Variants in NCOA1 observed in about 807,000 individuals in gnomAD.
NCOA1 encodes Hin-2 protein.
Under a neutral mutation model 150.9 loss-of-function variants are expected in NCOA1, and 35 were observed. The ratio of observed to expected loss-of-function variants is 0.23; its 90% confidence interval spans 0.18 to 0.31. NCOA1 has a LOEUF of 0.31. Ranked by LOEUF, NCOA1 falls within the 10% of genes least tolerant of loss-of-function variation. The probability of loss-of-function intolerance (pLI) is 1.00; values close to 1 mark genes in which losing one functional copy is unlikely to be tolerated. For missense variants in NCOA1, 1,491 were observed against 1,749.3 expected, an observed-to-expected ratio of 0.85 and a Z score of 2.63; for synonymous variants, 590 against 630.0, an observed-to-expected ratio of 0.94 and a Z score of 0.95.
intron 3 of NCOA1, among the ~76,000 whole-genome samples, chr2:24,638,850 T>A (rs749474993): frequency 1.3e-5 from 2 of 152,212 alleles, no homozygotes. Context: ...ATCAGATTGT[T>A]GTTGTTGTTG....
intron 1 of NCOA1, among the ~76,000 whole-genome samples, chr2:24,495,092 G>GTTTTTTTT (rs200403397): frequency 9.6e-6 from 1 of 103,642 alleles, no homozygotes; most frequent in Non-Finnish European, 2.1e-5. Context: ...AGATGAAGGT[G>GTTTTTTTT]TTTTTTTTTT....
chr2:24,678,185 A>G (rs1382690118), intron 7 of NCOA1, among the ~76,000 whole-genome samples: 1 of 151,524 alleles, frequency 6.6e-6, no homozygotes, highest in East Asian at 1.9e-4. Context: ...ACAGCTTCCA[A>G]CTCCATCCAT....
chr2:24,675,248 A>G (rs1465992602), intron 7 of NCOA1, among the ~76,000 whole-genome samples: 1 of 152,242 alleles, frequency 6.6e-6, no homozygotes, highest in Non-Finnish European at 1.5e-5. Context: ...AGCAATAGAA[A>G]TCAACTCTGA....
intron 3 of NCOA1, among the ~76,000 whole-genome samples, chr2:24,587,802 A>G (rs576707784): frequency 2.0e-5 from 3 of 152,316 alleles, no homozygotes; most frequent in Non-Finnish European, 4.4e-5. Context: ...ACTTGAATGT[A>G]TATACCCATT....
intron 1 of NCOA1, among the ~76,000 whole-genome samples, chr2:24,520,628 G>C (rs1664378364): frequency 6.6e-6 from 1 of 152,216 alleles, no homozygotes; most frequent in African/African-American, 2.4e-5. Context: ...GGGATCATAA[G>C]ATGCACAAGG....
intron 2 of NCOA1, among the ~76,000 whole-genome samples, chr2:24,583,602 A>G (rs1489813627): frequency 6.6e-6 from 1 of 152,212 alleles, no homozygotes; most frequent in Non-Finnish European, 1.5e-5. Context: ...TCCCATATTT[A>G]TTGCAGCATA....
Position 24,658,752 on chromosome 2 carries a change from C to G in NCOA1, c.75C>G (p.Asp25Glu). Residue 25 changes from aspartate to glutamate, a missense_variant, in exon 5 of 23, where the codon GAC (aspartate) becomes GAG (glutamate). Asp to Glu is a conservative substitution (Grantham distance 45, BLOSUM62 2). Around this residue, in one of 8 missense-constraint regions of NCOA1, gnomAD observed 40 missense variants for 39.6 expected, o/e 1.01. Coordinates refer to ENST00000348332, the MANE Select transcript of NCOA1 (RefSeq NM_003743.5). ...DSHKRKGSPCDTLASSTEKRR... is the reference protein window; with the variant it reads ...DSHKRKGSPCETLASSTEKRR... ...ATAAGAGGAAAGGATCGCCATGTGA[C>G]ACACTGGCATCAAGGTAGGAACACT... is the stretch of plus-strand genomic sequence containing the variant. 6.2e-7 allele frequency: 1 copy of G among 1,613,992 alleles called. No individual in the cohort carries two copies.
In NCOA1 at chr2:24,697,716, A is replaced by G. The variant is rs756179274; in HGVS notation, c.867A>G (p.Glu289=). The part of the protein sequence containing the change: ...SLRAAGRTGW[E]DLVRKCIYAF... Reference sequence around the variant, plus strand: ...GAGCTGCTGGCAGAACTGGTTGGGAAGATTTAGTGAGGAAGTGCATTTATG... The same window carrying G: ...GAGCTGCTGGCAGAACTGGTTGGGAGGATTTAGTGAGGAAGTGCATTTATG... Residue 289 remains glutamate (E), a synonymous_variant, in exon 11 of 23, where the codon GAA becomes GAG. Transcript: ENST00000348332. The G allele has an allele frequency of 3.0e-5, 49 of 1,613,238 alleles. No individual in the cohort carries two copies. The highest frequency in any genetic ancestry group is 4.1e-5 in the Non-Finnish European group (48 of 1,179,330).
At chr2:24,560,677 T>C (rs2148251903) in intron 1 of NCOA1, among the ~76,000 whole-genome samples, 1 of 152,342 alleles carries the variant, frequency 6.6e-6, no homozygotes, top group Non-Finnish European at 1.5e-5. Context: ...TTCTTGACTG[T>C]GTCTCTTGTA....
chr2:24,595,232 T>C (rs1352045940), intron 3 of NCOA1, among the ~76,000 whole-genome samples: 1 of 152,088 alleles, frequency 6.6e-6, no homozygotes, highest in Non-Finnish European at 1.5e-5. Flanking sequence ...ATATAACTTG[T>C]TTTTTAAAAA....
At chr2:24,613,195 G>A (rs1475344703) in intron 3 of NCOA1, among the ~76,000 whole-genome samples, 1 of 152,096 alleles carries the variant, frequency 6.6e-6, no homozygotes, top group African/African-American at 2.4e-5. Context: ...TCTTTGGGCA[G>A]ATTTTATATT....
chr2:24,577,769 TGAGA>T (rs1249564645), intron 2 of NCOA1, among the ~76,000 whole-genome samples: 3 of 152,220 alleles, frequency 2.0e-5, no homozygotes, highest in African/African-American at 7.2e-5. Context: ...TGATCTGTTT[TGAGA>T]GATTGTGCAG....
chr2:24,736,723 A>G (rs1379220060), intron 17 of NCOA1, among the ~76,000 whole-genome samples: 2 of 152,124 alleles, frequency 1.3e-5, no homozygotes, highest in African/African-American at 4.8e-5. Context: ...AATTCTTGTT[A>G]TGGGGGAGAT....
intron 2 of NCOA1, among the ~76,000 whole-genome samples, chr2:24,566,016 C>T (rs1666489972): frequency 6.6e-6 from 1 of 152,208 alleles, no homozygotes; most frequent in South Asian, 2.1e-4. Context: ...CTTCTCTCCT[C>T]TTCTCACCCA....
chr2:24,544,994 C>T (rs1453037405), intron 1 of NCOA1, among the ~76,000 whole-genome samples: 3 of 152,136 alleles, frequency 2.0e-5, no homozygotes, highest in Non-Finnish European at 4.4e-5. Context: ...ATTGAACACA[C>T]ATTTACCTTA....
chr2:24,738,996 C>T (rs951805709), intron 17 of NCOA1, among the ~76,000 whole-genome samples: 14 of 152,188 alleles, frequency 9.2e-5, no homozygotes. Flanking sequence ...GCTTGCTCAA[C>T]TTTCCCTTCA....
chr2:24,496,269 A>G (rs62140838), intron 1 of NCOA1, among the ~76,000 whole-genome samples: 13 of 152,238 alleles, frequency 8.5e-5, no homozygotes, highest in Non-Finnish European at 1.8e-4. Flanking sequence ...TCTGTGGGCA[A>G]ATTTATCAAA....
chr2:24,497,683 A>T (rs1663284578), intron 1 of NCOA1, among the ~76,000 whole-genome samples: 1 of 152,118 alleles, frequency 6.6e-6, no homozygotes, highest in African/African-American at 2.4e-5. Flanking sequence ...AAAAAAAAAA[A>T]AGATTCTTGT....
chr2:24,543,627 C>T (rs796067454), intron 1 of NCOA1, among the ~76,000 whole-genome samples: 2 of 152,008 alleles, frequency 1.3e-5, no homozygotes, highest in African/African-American at 4.8e-5. Context: ...AGCACTTAAC[C>T]TAGATGAACA....
Sources: gnomAD v4.1 joint callset for allele counts (sites outside exome capture counted in the v4.1 genomes callset) on GRCh38, gnomAD v4.1.1 for gene constraint, gnomAD v4.1.1 regional missense constraint, MANE v1.5 for transcripts, NCBI Gene and HGNC (gene_info 2026-07-23, HGNC 2026-07-21) for gene names.